Variants in CCDC88A observed in about 807,000 individuals in gnomAD.
CCDC88A encodes the protein coiled-coil and HOOK domain protein 88A, also known as girdin.
Under a neutral mutation model 234.3 loss-of-function variants are expected in CCDC88A, and 54 were observed. The observed-to-expected ratio is 0.23, with a 90% CI of 0.19 to 0.29. CCDC88A has a LOEUF of 0.29. Ranked by LOEUF, CCDC88A falls within the 10% of genes least tolerant of loss-of-function variation. The probability of loss-of-function intolerance (pLI) is 1.00; values close to 1 mark genes in which losing one functional copy is unlikely to be tolerated. For synonymous variants in CCDC88A, 753 were observed against 737.8 expected (o/e 1.02, Z -0.33); for missense variants, 1,832 against 2,123.4 (o/e 0.86, Z 2.70).
chr2:55,369,403 C>CTA (rs530616968), intron 5 of CCDC88A, among the ~76,000 whole-genome samples: 310 of 151,258 alleles, frequency 2.0e-3, no homozygotes, highest in African/African-American at 7.3e-3. Context: ...ACTCTCCAGT[C>CTA]TAATACCTTG....
Position 55,374,868 on chromosome 2 carries a change from A to G in CCDC88A, c.289T>C (p.Leu97=). 2 of 1,606,386 alleles carry G rather than the reference A, an allele frequency of 1.2e-6. No homozygotes were observed. The highest frequency in any genetic ancestry group is 1.7e-6 in the Non-Finnish European group (2 of 1,174,034). Reference sequence around the variant, plus strand: ...ACATTTGGCAACGACATCATGATCAATTGCTGCAAAGTCTCCTGTAAAAAA... The same window carrying G: ...ACATTTGGCAACGACATCATGATCAGTTGCTGCAAAGTCTCCTGTAAAAAA... ...KFYYQETLQQ[L]IMMSLPNVLI... The change falls in exon 4 of 33, where the codon TTG becomes CTG. Residue 97 remains leucine (L), a synonymous_variant. Coordinates refer to ENST00000436346, the MANE Select transcript of CCDC88A (RefSeq NM_001365480.1).
chr2:55,360,553 T>C (rs920658386), intron 7 of CCDC88A, among the ~76,000 whole-genome samples: 3 of 152,240 alleles, frequency 2.0e-5, no homozygotes, highest in African/African-American at 7.2e-5. Context: ...CCACTTTTTC[T>C]TCCTTATTTG....
intron 2 of CCDC88A, chr2:55,403,521 G>A (rs1446724015): frequency 6.6e-6 from 1 of 152,210 alleles, no homozygotes; most frequent in African/African-American, 2.4e-5. Flanking sequence ...ACAATTCCTT[G>A]ATTCATACTA....
In CCDC88A at chr2:55,290,210, G is replaced by A. The variant is rs1174618416; in HGVS notation, c.*990C>T. On this transcript the variant is annotated 3_prime_UTR_variant, in exon 33 of 33. Coordinates refer to ENST00000436346, the MANE Select transcript of CCDC88A (RefSeq NM_001365480.1). ...ATCAACTTTAATGTAATATCATAAAGGAGAAAAAAATCATTAATAAATGAT... is the reference window on the plus strand; with the variant it reads ...ATCAACTTTAATGTAATATCATAAAAGAGAAAAAAATCATTAATAAATGAT... The A allele has an allele frequency of 6.6e-6, 1 of 152,242 alleles. No individual in the cohort carries two copies. Among genetic ancestry groups the A allele is most frequent in the Non-Finnish European group, 1.5e-5 (1 of 67,886 alleles). The allele number at this position is 152,242 out of a possible 1,614,324, so 9.4% of individuals were successfully genotyped here.
chr2:55,288,665 C>T lies in CCDC88A; in HGVS notation c.*2535G>A, dbSNP rs1165060689. On this transcript the variant is annotated 3_prime_UTR_variant, in exon 33 of 33. Transcript: ENST00000436346. ...AAAAATTTGGATGAAAGCATTTCCACATGGACAGATCTGAAGCACATTATT... is the reference window on the plus strand; with the variant it reads ...AAAAATTTGGATGAAAGCATTTCCATATGGACAGATCTGAAGCACATTATT... 6.6e-6 allele frequency: 1 copy of T among 152,590 alleles called. No individual in the cohort carries two copies. The highest frequency in any genetic ancestry group is 1.5e-5 in the Non-Finnish European group (1 of 68,034). 9.5% of individuals were successfully genotyped at this position (152,590 alleles called of 1,614,324 possible).
intron 2 of CCDC88A, among the ~76,000 whole-genome samples, chr2:55,391,403 T>C (rs1676621360): frequency 6.6e-6 from 1 of 151,806 alleles, no homozygotes; most frequent in South Asian, 2.1e-4. Flanking sequence ...AAAAAATTAA[T>C]AGACACAAAA....
At chr2:55,325,738 T>C (rs1684182600) in intron 17 of CCDC88A, among the ~76,000 whole-genome samples, 1 of 152,232 alleles carries the variant, frequency 6.6e-6, no homozygotes, top group Non-Finnish European at 1.5e-5. Context: ...TGTGGATTTT[T>C]CTCCATGTAG....
intron 2 of CCDC88A, among the ~76,000 whole-genome samples, chr2:55,392,325 AT>A (rs1308541773): frequency 3.3e-5 from 5 of 152,074 alleles, no homozygotes; most frequent in African/African-American, 1.2e-4. Flanking sequence ...CTCCTTGATG[AT>A]TTTTAGGATT....
chr2:55,341,086 T>G (rs1472023262), intron 12 of CCDC88A, among the ~76,000 whole-genome samples: 2 of 151,950 alleles, frequency 1.3e-5, no homozygotes, highest in Non-Finnish European at 2.9e-5. Flanking sequence ...TTAGTTCACT[T>G]AACATAATGC....
rs1359918123 is a variant in CCDC88A at position 55,343,720 on chromosome 2, G to T, written c.1261C>A (p.Gln421Lys). The T allele has an allele frequency of 3.7e-6, 6 of 1,610,906 alleles. No homozygotes were observed. Among genetic ancestry groups the T allele is most frequent in the Non-Finnish European group, 5.1e-6 (6 of 1,177,904 alleles). Reference protein sequence around the residue: ...ENMTLEMAQKQSMDESLHLGW... With the variant: ...ENMTLEMAQKKSMDESLHLGW... ...AGATGTAATGATTCATCCATACTTT[G>T]TTTCTGTGCCATTTCCAAAGTCATA... Residue 421 changes from glutamine to lysine, a missense_variant, in exon 12 of 33, where the codon CAA becomes AAA. Gln to Lys is a moderately conservative substitution (Grantham distance 53). This residue lies in a region of CCDC88A where 1,282 missense variants were observed against 1,543.6 expected (regional missense o/e 0.83). Transcript: ENST00000436346.
rs747045157 is a variant in CCDC88A, at chr2:55,318,966, A to G, written c.3201T>C (p.Thr1067=). 3.1e-6 allele frequency: 5 copies of G among 1,613,514 alleles called. No individual in the cohort carries two copies. Among genetic ancestry groups the G allele is most frequent in the Non-Finnish European group, 4.2e-6 (5 of 1,179,614 alleles). ...TCTGTGTCTCAAGTTGCTTCAGTTG[A>G]GTTTTCAACGCTTGCTTCTCTGCTT... ...TLQAEKQALK[T]QLKQLETQNN... The change falls in exon 19 of 33, where the codon ACT becomes ACC. Residue 1067 remains threonine (T), a synonymous_variant. Transcript: ENST00000436346.
chr2:55,316,078 A>T lies in CCDC88A; in HGVS notation c.3783T>A (p.Thr1261=), dbSNP rs769307572. 6.4e-7 allele frequency: 1 copy of T among 1,552,192 alleles called. No homozygotes were observed. The highest frequency in any genetic ancestry group is 1.8e-5 in the Admixed American group (1 of 56,298). Residue 1261 remains threonine (T), a synonymous_variant, in exon 22 of 33, where the codon ACT becomes ACA. Transcript: ENST00000436346. ...TTTTATGGTCAGTTTGTAAAACTTC[A>T]GTCTCTTTTAAAAGTTGACTATAGG... ...NHTYSQLLKE[T]EVLQTDHKNL... is the part of the protein sequence containing the mutation.
chr2:55,369,650 GT>G (rs920190961), intron 5 of CCDC88A, among the ~76,000 whole-genome samples: 1 of 151,806 alleles, frequency 6.6e-6, no homozygotes, highest in African/African-American at 2.4e-5. Context: ...CAGAGACAAC[GT>G]TTTACCATGT....
chr2:55,400,731 T>C (rs905499737), intron 2 of CCDC88A, among the ~76,000 whole-genome samples: 13 of 152,216 alleles, frequency 8.5e-5, no homozygotes, highest in Non-Finnish European at 1.8e-4. Context: ...CTTTAATGGC[T>C]CTATGCTCTT....
chr2:55,357,064 T>C (rs1670676587), intron 7 of CCDC88A, among the ~76,000 whole-genome samples: 1 of 152,154 alleles, frequency 6.6e-6, no homozygotes, highest in Non-Finnish European at 1.5e-5. Context: ...GACAGCACTG[T>C]TCTTGAATTA....
At chr2:55,374,447 A>G (rs911539406) in intron 4 of CCDC88A, among the ~76,000 whole-genome samples, 2 of 152,208 alleles carry the variant, frequency 1.3e-5, no homozygotes, top group Admixed American at 6.5e-5. Flanking sequence ...GGTAGATAGT[A>G]GATATATGAA....
At chr2:55,413,405 G>A (rs1396424052) in intron 2 of CCDC88A, among the ~76,000 whole-genome samples, 1 of 152,106 alleles carries the variant, frequency 6.6e-6, no homozygotes, top group African/African-American at 2.4e-5. Context: ...ATCAGGAAGG[G>A]AAACATTATC....
intron 13 of CCDC88A, among the ~76,000 whole-genome samples, chr2:55,337,907 C>G (rs1247858740): frequency 6.6e-6 from 1 of 152,104 alleles, no homozygotes; most frequent in Non-Finnish European, 1.5e-5. Flanking sequence ...GGTCAAAAAA[C>G]TTATCCAATA....
intron 2 of CCDC88A, among the ~76,000 whole-genome samples, chr2:55,414,228 G>C (rs567063159): frequency 2.9e-4 from 44 of 152,192 alleles, no homozygotes; most frequent in African/African-American, 9.9e-4. Flanking sequence ...AATATGAATT[G>C]GACGTTTTTA....
Sources: gnomAD v4.1 joint callset for allele counts (sites outside exome capture counted in the v4.1 genomes callset) on GRCh38, gnomAD v4.1.1 for gene constraint, gnomAD v4.1.1 regional missense constraint, MANE v1.5 for transcripts, NCBI Gene and HGNC (gene_info 2026-07-23, HGNC 2026-07-21) for gene names.